The following FGF14 variants were observed in gnomAD, a reference collection of about 807,000 sequenced individuals.
The protein encoded by FGF14 is fibroblast growth factor 14.
A neutral mutation model predicts 25.5 loss-of-function variants in FGF14; 5 were observed. That is an observed-to-expected ratio of 0.20 (90% CI 0.10 to 0.41). The LOEUF (loss-of-function observed/expected upper bound fraction) is 0.41, where lower values mean the gene tolerates loss of function less well. Among genes scored for constraint, FGF14 ranks in the 10% least tolerant of loss-of-function variants. The pLI is 1.00. For missense variants in FGF14, 222 were observed against 320.1 expected (o/e 0.69, Z 2.34); for synonymous variants, 138 against 118.3 (o/e 1.17, Z -1.08).
intron 1 of FGF14, among the ~76,000 whole-genome samples, chr13:102,089,622 A>C (rs1173749507): frequency 6.6e-6 from 1 of 152,176 alleles, no homozygotes; most frequent in African/African-American, 2.4e-5. Context: ...TTTAGCATTC[A>C]GTTATGAAAG....
At chr13:102,033,248 A>G (rs7996748) in intron 1 of FGF14, among the ~76,000 whole-genome samples, 3,526 of 152,238 alleles carry the variant, frequency 0.023, 125 homozygotes, top group African/African-American at 0.078. Flanking sequence ...ATGGAAAATC[A>G]TGGTGTGACA....
rs148128025 is a variant in FGF14, at chr13:101,763,523, A to T, written c.409-36713T>A. Among the ~76,000 whole-genome samples the T allele has an allele frequency of 6.6e-5, 10 of 151,998 alleles. No homozygotes were observed. In the East Asian group the frequency reaches 2.0e-3, roughly 30 times the overall value. ...AGGAGTGAAATTTGGTCCTGTATTT[A>T]TGCATTTCCTTTTCCTCTCTAGCGT... On this transcript the variant is annotated intron_variant, in intron 3 of 4. Transcript: ENST00000376143.
chr13:102,173,992 A>G (rs1006389096), intron 1 of FGF14, among the ~76,000 whole-genome samples: 1 of 152,104 alleles, frequency 6.6e-6, no homozygotes, highest in African/African-American at 2.4e-5. Flanking sequence ...AAAGGAGGAG[A>G]ATGTCAAATT....
chr13:102,113,848 A>G (rs1221612635), intron 1 of FGF14, among the ~76,000 whole-genome samples: 2 of 152,240 alleles, frequency 1.3e-5, no homozygotes, highest in Non-Finnish European at 2.9e-5. Context: ...TAGTAAAAGG[A>G]ATAAAATTAT....
intron 1 of FGF14, among the ~76,000 whole-genome samples, chr13:102,347,206 T>C (rs1336668): frequency 0.077 from 11,704 of 152,212 alleles, 865 homozygotes; most frequent in African/African-American, 0.19. Flanking sequence ...TCAGTCAATA[T>C]TGAGGTCCTT....
chr13:102,031,244 G>C (rs1197324390), intron 1 of FGF14, among the ~76,000 whole-genome samples: 1 of 151,924 alleles, frequency 6.6e-6, no homozygotes, highest in African/African-American at 2.4e-5. Flanking sequence ...AAAGATCCAA[G>C]CACAGACTAT....
chr13:101,788,826 T>C (rs2040003498), intron 3 of FGF14, among the ~76,000 whole-genome samples: 2 of 143,534 alleles, frequency 1.4e-5, no homozygotes. Flanking sequence ...TTCTTCCTGA[T>C]TTAAGAGAAA....
intron 1 of FGF14, among the ~76,000 whole-genome samples, chr13:102,052,985 G>T (rs2042281642): frequency 6.6e-6 from 1 of 151,976 alleles, no homozygotes; most frequent in African/African-American, 2.4e-5. Context: ...GTTAACTGAT[G>T]TACAATATAA....
At chr13:102,051,358 A>C (rs2042209275) in intron 1 of FGF14, among the ~76,000 whole-genome samples, 1 of 152,132 alleles carries the variant, frequency 6.6e-6, no homozygotes. Flanking sequence ...CCTGAGTATC[A>C]TTGCCATTAC....
intron 1 of FGF14, among the ~76,000 whole-genome samples, chr13:101,922,025 G>A (rs1236588388): frequency 6.6e-6 from 1 of 152,246 alleles, no homozygotes; most frequent in East Asian, 1.9e-4. Flanking sequence ...TAAAGGTACA[G>A]ACTTTGTCTC....
At chr13:102,310,953 T>A (rs2055730630) in intron 1 of FGF14, among the ~76,000 whole-genome samples, 1 of 152,022 alleles carries the variant, frequency 6.6e-6, no homozygotes, top group Non-Finnish European at 1.5e-5. Flanking sequence ...TTCAAGCCTG[T>A]GTCCTTCTAC....
At chr13:102,366,141 T>C (rs2057705110) in intron 1 of FGF14, among the ~76,000 whole-genome samples, 5 of 152,144 alleles carry the variant, frequency 3.3e-5, no homozygotes, top group African/African-American at 1.2e-4. Flanking sequence ...ATTAAGAGAA[T>C]GTTAAATCAA....
intron 1 of FGF14, among the ~76,000 whole-genome samples, chr13:102,248,635 G>A (rs563525757): frequency 6.6e-6 from 1 of 152,084 alleles, no homozygotes. Context: ...TGGATTCTGG[G>A]CTAAGTTTGG....
At chr13:101,783,667 CTTAAGT>C (rs1226126082) in intron 3 of FGF14, among the ~76,000 whole-genome samples, 1 of 152,100 alleles carries the variant, frequency 6.6e-6, no homozygotes, top group African/African-American at 2.4e-5. Flanking sequence ...TGCAGAAGCT[CTTAAGT>C]TTAATTAGAT....
chr13:102,078,864 T>G (rs1482649526), intron 1 of FGF14, among the ~76,000 whole-genome samples: 1 of 152,210 alleles, frequency 6.6e-6, no homozygotes, highest in African/African-American at 2.4e-5. Flanking sequence ...TAGAAAGAGT[T>G]CTACATTCAT....
chr13:101,949,799 T>C (rs1391577754), intron 1 of FGF14, among the ~76,000 whole-genome samples: 1 of 152,176 alleles, frequency 6.6e-6, no homozygotes, highest in Non-Finnish European at 1.5e-5. Context: ...ATTGTGGCAA[T>C]ATGCTCAACT....
chr13:102,271,747 T>C (rs1360416377), intron 1 of FGF14, among the ~76,000 whole-genome samples: 1 of 152,206 alleles, frequency 6.6e-6, no homozygotes, highest in Non-Finnish European at 1.5e-5. Flanking sequence ...CTTTTGGATG[T>C]CTGTCTGATG....
chr13:101,772,085 A>G, intron 3 of FGF14, among the ~76,000 whole-genome samples: 1 of 151,788 alleles, frequency 6.6e-6, no homozygotes, highest in East Asian at 1.9e-4. Context: ...TCAGGAGGAC[A>G]TTGGGGAGGC....
chr13:102,163,213 C>A (rs1390529575), intron 1 of FGF14, among the ~76,000 whole-genome samples: 1 of 152,104 alleles, frequency 6.6e-6, no homozygotes, highest in African/African-American at 2.4e-5. Context: ...CCTGTGGTGA[C>A]AAATAAATGC....
Sources: allele counts gnomAD v4.1 joint callset (sites outside exome capture counted in the v4.1 genomes callset), GRCh38; gene constraint gnomAD v4.1.1; transcripts MANE v1.5; gene names NCBI Gene and HGNC (gene_info 2026-07-23, HGNC 2026-07-21).